RBFOX2: variants seen among roughly 807,000 people sequenced by gnomAD.
The protein encoded by RBFOX2 is RNA binding protein fox-1 homolog 2.
RBFOX2 carries 10 observed loss-of-function variants against 49.1 expected under a neutral mutation model. The ratio of observed to expected loss-of-function variants is 0.20; its 90% confidence interval spans 0.13 to 0.35. RBFOX2 has a LOEUF of 0.35. RBFOX2 is among the 10% of genes least tolerant of loss of function. The probability of loss-of-function intolerance (pLI) is 1.00; values close to 1 mark genes in which losing one functional copy is unlikely to be tolerated. For synonymous variants in RBFOX2, 183 were observed against 187.4 expected, an observed-to-expected ratio of 0.98 and a Z score of 0.19; for missense variants, 323 against 486.9, an observed-to-expected ratio of 0.66 and a Z score of 3.17.
intron 1 of RBFOX2, among the ~76,000 whole-genome samples, chr22:35,870,877 G>T (rs1296958094): frequency 2.0e-5 from 3 of 152,144 alleles, no homozygotes; most frequent in Non-Finnish European, 2.9e-5. Flanking sequence ...GAAATTTAAA[G>T]AAAACAATTC....
chr22:35,973,349 A>T (rs1351350965), intron 1 of RBFOX2, among the ~76,000 whole-genome samples: 1 of 152,234 alleles, frequency 6.6e-6, no homozygotes, highest in Non-Finnish European at 1.5e-5. Context: ...AGGAGTCAGT[A>T]ACTGTTTAAC....
chr22:35,760,811 A>G (rs1434538661), intron 8 of RBFOX2, among the ~76,000 whole-genome samples: 2 of 152,214 alleles, frequency 1.3e-5, no homozygotes, highest in Non-Finnish European at 2.9e-5. Flanking sequence ...TAGAGAGATC[A>G]AGAGAGCTGG....
chr22:35,978,315 C>T lies in RBFOX2; in HGVS notation c.187-39418G>A, dbSNP rs548380275. On this transcript the variant is annotated intron_variant, in intron 1 of 13. Coordinates refer to the RBFOX2 transcript ENST00000438146. Reference sequence around the variant, plus strand: ...CACAAACATCATGCATGTATATATACGTATATAGCACAAAGAGATATGGAA... The same window carrying T: ...CACAAACATCATGCATGTATATATATGTATATAGCACAAAGAGATATGGAA... 8.4e-4 allele frequency among the ~76,000 whole-genome samples: 127 copies of T among 152,002 alleles called. 1 individual carries two copies. The highest frequency in any genetic ancestry group is 2.8e-3 in the African/African-American group (117 of 41,418).
chr22:35,982,837 T>C (rs1214670539), intron 1 of RBFOX2, among the ~76,000 whole-genome samples: 1 of 150,968 alleles, frequency 6.6e-6, no homozygotes, highest in African/African-American at 2.4e-5. Flanking sequence ...TAGTGTTATG[T>C]CCCAAAAGCA....
chr22:36,009,951 C>CT (rs1432079072), intron 1 of RBFOX2, among the ~76,000 whole-genome samples: 1 of 152,178 alleles, frequency 6.6e-6, no homozygotes, highest in African/African-American at 2.4e-5. Context: ...TTCACCTTTC[C>CT]TATGCTGGTA....
intron 1 of RBFOX2, among the ~76,000 whole-genome samples, chr22:35,866,201 G>A (rs997725437): frequency 3.9e-5 from 6 of 152,142 alleles, no homozygotes; most frequent in African/African-American, 7.2e-5. Flanking sequence ...AAAAGACAAC[G>A]TGAAGGTTTA....
intron 5 of RBFOX2, among the ~76,000 whole-genome samples, 153 bp downstream of exon 6, chr22:35,768,104 T>C (rs1345731072): frequency 6.6e-6 from 1 of 152,116 alleles, no homozygotes; most frequent in Non-Finnish European, 1.5e-5. Context: ...TTATACATTT[T>C]AGTGCAAGAA....
chr22:35,871,867 T>C (rs2044394945), intron 1 of RBFOX2, among the ~76,000 whole-genome samples: 1 of 152,188 alleles, frequency 6.6e-6, no homozygotes, highest in Non-Finnish European at 1.5e-5. Context: ...ATCGAATTAT[T>C]TGAAAAACCA....
At chr22:35,752,951 G>A (rs1033814812) in intron 9 of RBFOX2, among the ~76,000 whole-genome samples, 3 of 152,190 alleles carry the variant, frequency 2.0e-5, no homozygotes, top group Non-Finnish European at 4.4e-5. Flanking sequence ...AGAATTGCTA[G>A]ATCAGTTCTC....
chr22:35,946,174 G>C (rs1421384897), intron 1 of RBFOX2, among the ~76,000 whole-genome samples: 1 of 152,156 alleles, frequency 6.6e-6, no homozygotes, highest in Non-Finnish European at 1.5e-5. Flanking sequence ...AGGTGAGGAA[G>C]CTGAGACTTA....
intron 1 of RBFOX2, among the ~76,000 whole-genome samples, chr22:35,923,334 TTTTTTTC>T (rs924454385): frequency 8.6e-5 from 13 of 150,580 alleles, no homozygotes; most frequent in Admixed American, 2.6e-4. Context: ...TTTCATATCT[TTTTTTTC>T]TTTTTTCTTT....
intron 4 of RBFOX2, among the ~76,000 whole-genome samples, chr22:35,775,478 A>G (rs539693003): frequency 6.6e-6 from 1 of 152,308 alleles, no homozygotes; most frequent in Admixed American, 6.5e-5. Flanking sequence ...AGATTTCTCA[A>G]AGAGAAAGCT....
chr22:35,769,774 G>T (rs571523069), intron 4 of RBFOX2, among the ~76,000 whole-genome samples: 2 of 152,030 alleles, frequency 1.3e-5, no homozygotes, highest in Admixed American at 1.3e-4. Flanking sequence ...TAAACAATGC[G>T]CGTTGCTTAA....
intron 1 of RBFOX2, among the ~76,000 whole-genome samples, chr22:35,960,828 C>T (rs2056118421): frequency 6.6e-6 from 1 of 152,106 alleles, no homozygotes; most frequent in African/African-American, 2.4e-5. Flanking sequence ...AAAACGTTTT[C>T]CTCATCACTC....
At chr22:35,752,561 T>C in intron 9 of RBFOX2, 2 of 928,038 alleles carry the variant, frequency 2.2e-6, no homozygotes, top group Non-Finnish European at 2.6e-6. Context: ...ATTCAATTTT[T>C]TCACTGCAAT....
intron 1 of RBFOX2, among the ~76,000 whole-genome samples, chr22:35,849,307 AC>A (rs1468827993): frequency 7.3e-6 from 1 of 136,228 alleles, no homozygotes; most frequent in African/African-American, 2.8e-5. Flanking sequence ...AAACACACAC[AC>A]ACACACACAC....
intron 1 of RBFOX2, among the ~76,000 whole-genome samples, chr22:36,014,188 C>T (rs986005980): frequency 4.6e-5 from 7 of 150,986 alleles, no homozygotes; most frequent in South Asian, 2.1e-4. Context: ...GTGGCGCAAT[C>T]GCGGCTCACT....
chr22:35,885,768 A>C (rs977796620), intron 1 of RBFOX2, among the ~76,000 whole-genome samples: 4 of 152,030 alleles, frequency 2.6e-5, no homozygotes, highest in Non-Finnish European at 5.9e-5. Flanking sequence ...TAAGCAAGTA[A>C]AACACCGTAC....
At chr22:35,882,471 A>C (rs1053730028) in intron 1 of RBFOX2, among the ~76,000 whole-genome samples, 1 of 152,234 alleles carries the variant, frequency 6.6e-6, no homozygotes, top group Admixed American at 6.5e-5. Flanking sequence ...GTTTTGCTTT[A>C]AAGGAAAAGA....
Sources: allele counts gnomAD v4.1 joint callset (sites outside exome capture counted in the v4.1 genomes callset), GRCh38; gene constraint gnomAD v4.1.1; transcripts MANE v1.5; gene names NCBI Gene and HGNC (gene_info 2026-07-23, HGNC 2026-07-21).